The following KIT variants were observed in gnomAD, a reference collection of about 807,000 sequenced individuals.
The protein encoded by KIT is KIT proto-oncogene, receptor tyrosine kinase.
A neutral mutation model predicts 105.7 loss-of-function variants in KIT; 16 were observed. That is an observed-to-expected ratio of 0.15 (90% CI 0.10 to 0.23). The LOEUF (loss-of-function observed/expected upper bound fraction) is 0.23, where lower values mean the gene tolerates loss of function less well. Ranked by LOEUF, KIT falls within the 10% of genes least tolerant of loss-of-function variation. The probability of loss-of-function intolerance (pLI) is 1.00; values close to 1 mark genes in which losing one functional copy is unlikely to be tolerated. For synonymous variants in KIT, 438 were observed against 441.1 expected (o/e 0.99, Z 0.09); for missense variants, 858 against 1,213.8 (o/e 0.71, Z 4.36).
intron 14 of KIT, among the ~76,000 whole-genome samples, chr4:54,730,417 C>T (rs763349811): frequency 6.6e-6 from 1 of 152,088 alleles, no homozygotes; most frequent in Non-Finnish European, 1.5e-5. Context: ...GGCAATTACC[C>T]CTTAAAGCCA....
intron 1 of KIT, among the ~76,000 whole-genome samples, chr4:54,669,357 C>T (rs1467299666): frequency 6.6e-6 from 1 of 152,236 alleles, no homozygotes; most frequent in African/African-American, 2.4e-5. Context: ...TTCAGAACCA[C>T]TGCCTTTCAA....
chr4:54,680,553 G>A (rs995299327), intron 1 of KIT, among the ~76,000 whole-genome samples: 3 of 151,722 alleles, frequency 2.0e-5, no homozygotes, highest in East Asian at 1.9e-4. Flanking sequence ...CACCACGCCC[G>A]GCTAATTTTT....
At chr4:54,720,041 C>T (rs1230320179) in intron 7 of KIT, among the ~76,000 whole-genome samples, 2 of 151,948 alleles carry the variant, frequency 1.3e-5, no homozygotes, top group Non-Finnish European at 2.9e-5. Flanking sequence ...ACTCATAGGC[C>T]CTTTAGGGTT....
chr4:54,687,703 C>T (rs983789272), intron 1 of KIT, among the ~76,000 whole-genome samples: 3 of 151,942 alleles, frequency 2.0e-5, no homozygotes, highest in African/African-American at 4.8e-5. Flanking sequence ...GCTTTGGACA[C>T]CCCTTCATGC....
chr4:54,700,290 T>C (rs530043859), intron 4 of KIT, among the ~76,000 whole-genome samples: 1 of 152,324 alleles, frequency 6.6e-6, no homozygotes, highest in South Asian at 2.1e-4. Flanking sequence ...GCTGGTTACC[T>C]GAGATTAAGT....
intron 5 of KIT, among the ~76,000 whole-genome samples, chr4:54,705,863 CAG>C (rs1720755022): frequency 6.6e-6 from 1 of 152,124 alleles, no homozygotes; most frequent in African/African-American, 2.4e-5. Flanking sequence ...GCCTGGGCAA[CAG>C]AGGGATACCC....
rs1351349341 is a variant in KIT at position 54,739,575 on chromosome 4, G to C, written c.*1018G>C. 4.3e-6 allele frequency: 1 copy of C among 233,436 alleles called. No individual in the cohort carries two copies. Among genetic ancestry groups the C allele is most frequent in the African/African-American group, 2.2e-5 (1 of 45,344 alleles). 14.5% of individuals were successfully genotyped at this position (233,436 alleles called of 1,614,324 possible). A position where few individuals can be genotyped will look rare whatever the true frequency, so the allele number is the denominator to read the frequency against. Reference sequence around the variant, plus strand: ...GGAGTGGGAAAACACTGCCATCTTAGTTTGGATTCTTATGTAGCAGGAAAT... The same window carrying C: ...GGAGTGGGAAAACACTGCCATCTTACTTTGGATTCTTATGTAGCAGGAAAT... On this transcript the variant is annotated 3_prime_UTR_variant, in exon 21 of 21. Transcript: ENST00000288135.
At chr4:54,671,678 G>A (rs1355879914) in intron 1 of KIT, among the ~76,000 whole-genome samples, 2 of 152,308 alleles carry the variant, frequency 1.3e-5, no homozygotes, top group East Asian at 1.9e-4. Context: ...TAAAAAAGCA[G>A]TAAGGAGTCT....
chr4:54,732,363 G>A (rs943521576), intron 16 of KIT, among the ~76,000 whole-genome samples: 1 of 152,050 alleles, frequency 6.6e-6, no homozygotes, highest in African/African-American at 2.4e-5. Flanking sequence ...TAGTTACAAG[G>A]CTTGGGGTGA....
At chr4:54,691,786 T>C (rs1192699313) in intron 1 of KIT, among the ~76,000 whole-genome samples, 1 of 151,876 alleles carries the variant, frequency 6.6e-6, no homozygotes, top group Non-Finnish European at 1.5e-5. Context: ...TAGGAGAGGA[T>C]ATTACTTCTG....
At chr4:54,728,837 A>G (rs1280312498) in intron 13 of KIT, among the ~76,000 whole-genome samples, 1 of 152,214 alleles carries the variant, frequency 6.6e-6, no homozygotes, top group Non-Finnish European at 1.5e-5. Context: ...AAATTTTTCA[A>G]CTAGTAGCGC....
intron 3 of KIT, 92 bp downstream of exon 3, chr4:54,698,657 A>G (rs914271354): frequency 4.3e-6 from 6 of 1,382,234 alleles, no homozygotes; most frequent in East Asian, 2.3e-5. Flanking sequence ...AGTGTAGTCA[A>G]TCAGGGAGCT....
intron 11 of KIT, 35 bp from the exon 12 acceptor site, chr4:54,727,788 C>G (rs781025990): frequency 6.5e-7 from 1 of 1,534,908 alleles, no homozygotes. Context: ...CCACCAGCAC[C>G]ATCACCACTT....
At chr4:54,700,444 C>A (rs1720384166) in intron 4 of KIT, among the ~76,000 whole-genome samples, 2 of 152,178 alleles carry the variant, frequency 1.3e-5, no homozygotes. Flanking sequence ...TTAGGCATAT[C>A]TTAAATAAAT....
intron 11 of KIT, 51 bp downstream of exon 11, chr4:54,727,593 A>C: frequency 6.2e-7 from 1 of 1,610,594 alleles, no homozygotes; most frequent in Non-Finnish European, 8.5e-7. Context: ...TACACATAAC[A>C]GTGACTTTAA....
At position 54,731,916 on chromosome 4, in the gene KIT, A is replaced by T. The variant is rs747847018; in HGVS notation, c.2279A>T (p.Asp760Val). 3 of 1,613,572 alleles carry T rather than the reference A, an allele frequency of 1.9e-6. No individual in the cohort carries two copies. Among genetic ancestry groups the T allele is most frequent in the Non-Finnish European group, 2.5e-6 (3 of 1,179,574 alleles). The change falls in exon 16 of 21, where the codon GAC (aspartate) becomes GTC (valine). Residue 760 changes from aspartate to valine, a missense_variant. Physicochemically the swap from Asp to Val is radical, Grantham distance 152. Transcript: ENST00000288135. ...RDVTPAIMED[D>V]ELALDLEDLL... Reference sequence around the variant, plus strand: ...GTGACTCCCGCCATCATGGAGGATGACGAGTTGGCCCTAGACTTAGAAGAC... The same window carrying T: ...GTGACTCCCGCCATCATGGAGGATGTCGAGTTGGCCCTAGACTTAGAAGAC...
intron 1 of KIT, among the ~76,000 whole-genome samples, chr4:54,666,967 A>G (rs1223920844): frequency 6.6e-6 from 1 of 152,230 alleles, no homozygotes; most frequent in Non-Finnish European, 1.5e-5. Flanking sequence ...TAAACACAGA[A>G]GAAATTGTAC....
At chr4:54,716,101 T>G (rs1721478164) in intron 7 of KIT, among the ~76,000 whole-genome samples, 1 of 152,252 alleles carries the variant, frequency 6.6e-6, no homozygotes, top group Non-Finnish European at 1.5e-5. Context: ...AGGCCACAAA[T>G]TTGAAGACTT....
rs776264201 is a variant in KIT, at chr4:54,738,385, C to T, written c.2803-44C>T. ...TAAGTATGCCTTTTGTTGCTATGTT[C>T]GTTGTAGGGACTGCTGTATTGACTA... On this transcript the variant is annotated intron_variant, in intron 20 of 20. Coordinates refer to ENST00000288135, the MANE Select transcript of KIT (RefSeq NM_000222.3). 1.7e-5 allele frequency: 27 copies of T among 1,610,190 alleles called. 1 individual carries two copies. Among genetic ancestry groups the T allele is most frequent in the South Asian group, 5.5e-5 (5 of 90,984 alleles).
Sources: allele counts gnomAD v4.1 joint callset (sites outside exome capture counted in the v4.1 genomes callset), GRCh38; gene constraint gnomAD v4.1.1; transcripts MANE v1.5; gene names NCBI Gene and HGNC (gene_info 2026-07-23, HGNC 2026-07-21).